The following ZBTB20 variants were observed in gnomAD, a reference collection of about 807,000 sequenced individuals.
ZBTB20 encodes the protein zinc finger and BTB domain containing 20, also known as zinc finger and BTB domain-containing protein 20.
Under a neutral mutation model 56.9 loss-of-function variants are expected in ZBTB20, and 9 were observed. The observed-to-expected ratio is 0.16, with a 90% CI of 0.10 to 0.28. The LOEUF (loss-of-function observed/expected upper bound fraction) is 0.28, where lower values mean the gene tolerates loss of function less well. Among genes scored for constraint, ZBTB20 ranks in the 10% least tolerant of loss-of-function variants. The pLI, the probability that ZBTB20 is intolerant of heterozygous loss-of-function variation, is 1.00. For missense variants in ZBTB20, 655 were observed against 1,003.0 expected (o/e 0.65, Z 4.69); for synonymous variants, 417 against 420.7 (o/e 0.99, Z 0.11).
chr3:114,497,057 C>G (rs776311510), intron 7 of ZBTB20, among the ~76,000 whole-genome samples: 5 of 152,144 alleles, frequency 3.3e-5, no homozygotes, highest in Non-Finnish European at 7.4e-5. Flanking sequence ...TGACTCCACA[C>G]AATGTTTCAG....
intron 1 of ZBTB20, among the ~76,000 whole-genome samples, chr3:115,130,630 C>A (rs536499715): frequency 6.6e-6 from 1 of 151,916 alleles, no homozygotes; most frequent in African/African-American, 2.4e-5. Flanking sequence ...TCTGGTAGCA[C>A]GTGGTCCAAA....
At chr3:114,913,236 C>T (rs1386457749) in intron 3 of ZBTB20, among the ~76,000 whole-genome samples, 1 of 151,988 alleles carries the variant, frequency 6.6e-6, no homozygotes, top group East Asian at 1.9e-4. Context: ...CATATCCTCA[C>T]CACCACCCAT....
rs779998328 is a variant in ZBTB20, at chr3:114,338,970, T to G, written c.*35A>C. On this transcript the variant is annotated 3_prime_UTR_variant, in exon 12 of 12. Transcript: ENST00000675478. The stretch of plus-strand genomic sequence containing the variant: ...TGTTTGTTTGTTTTTTGTTGTTGTT[T>G]TGTTTTGTTCATAAGAAAGAGAGAA... 8.8e-6 allele frequency: 13 copies of G among 1,470,186 alleles called. No individual in the cohort carries two copies. Among genetic ancestry groups the G allele is most frequent in the Middle Eastern group, 1.8e-4 (1 of 5,450 alleles). 91.1% of individuals were successfully genotyped at this position (1,470,186 alleles called of 1,614,324 possible). A position where few individuals can be genotyped will look rare whatever the true frequency, so the allele number is the denominator to read the frequency against.
intron 10 of ZBTB20, among the ~76,000 whole-genome samples, chr3:114,359,154 C>T (rs541048916): frequency 3.3e-4 from 50 of 152,182 alleles, no homozygotes; most frequent in Non-Finnish European, 5.4e-4. Flanking sequence ...ATTTAAGCTA[C>T]CTCAAATCCC....
At chr3:114,991,385 G>A (rs181363079) in intron 2 of ZBTB20, among the ~76,000 whole-genome samples, 5 of 152,248 alleles carry the variant, frequency 3.3e-5, no homozygotes, top group Admixed American at 1.3e-4. Flanking sequence ...CTCAGGAGCA[G>A]GTTATTCAGT....
chr3:114,596,989 A>T (rs1421727860), intron 6 of ZBTB20, among the ~76,000 whole-genome samples: 1 of 152,186 alleles, frequency 6.6e-6, no homozygotes, highest in Non-Finnish European at 1.5e-5. Context: ...TTTCTGAGCA[A>T]AATACAGTTC....
At chr3:114,393,489 T>C (rs2086066934) in intron 7 of ZBTB20, among the ~76,000 whole-genome samples, 1 of 152,212 alleles carries the variant, frequency 6.6e-6, no homozygotes, top group African/African-American at 2.4e-5. Flanking sequence ...CTTACTTTCA[T>C]TTTTGGCAAA....
intron 3 of ZBTB20, among the ~76,000 whole-genome samples, chr3:114,928,096 C>T (rs1200281377): frequency 6.6e-6 from 1 of 152,186 alleles, no homozygotes; most frequent in Admixed American, 6.5e-5. Flanking sequence ...AAATGTGAGG[C>T]TAGAACATAT....
At position 114,730,870 on chromosome 3, in the gene ZBTB20, C is replaced by T. The variant is rs7652205; in HGVS notation, c.-342-37295G>A. Reference sequence around the variant, plus strand: ...CCTGTAAGGAAGGAATTACTTAAAGCCAATTTATAGGTATAGAAACAGACT... The same window carrying T: ...CCTGTAAGGAAGGAATTACTTAAAGTCAATTTATAGGTATAGAAACAGACT... On this transcript the variant is annotated intron_variant, in intron 5 of 11. Coordinates refer to ENST00000675478, the MANE Select transcript of ZBTB20 (RefSeq NM_001348800.3). Among the ~76,000 whole-genome samples the T allele has an allele frequency of 7.4e-3, 1,133 of 152,198 alleles. 15 individuals carry two copies. Among genetic ancestry groups the T allele is most frequent in the African/African-American group, 0.026 (1,070 of 41,488 alleles).
chr3:114,536,110 C>G (rs542588928), intron 6 of ZBTB20, among the ~76,000 whole-genome samples: 2 of 152,294 alleles, frequency 1.3e-5, no homozygotes, highest in Admixed American at 1.3e-4. Flanking sequence ...CCTTCTCTCA[C>G]CACTCCTATT....
At chr3:114,784,033 T>C (rs1046091382) in intron 5 of ZBTB20, among the ~76,000 whole-genome samples, 2 of 152,196 alleles carry the variant, frequency 1.3e-5, no homozygotes, top group African/African-American at 4.8e-5. Flanking sequence ...GGTTCTTAAA[T>C]GCAAGGTATA....
intron 8 of ZBTB20, among the ~76,000 whole-genome samples, chr3:114,384,459 T>C (rs1377772169): frequency 6.6e-6 from 1 of 150,912 alleles, no homozygotes; most frequent in Non-Finnish European, 1.5e-5. Flanking sequence ...GAGCTCTGCA[T>C]TCAAAAAAAG....
intron 5 of ZBTB20, among the ~76,000 whole-genome samples, chr3:114,789,153 T>C (rs969183593): frequency 6.6e-6 from 1 of 152,166 alleles, no homozygotes; most frequent in African/African-American, 2.4e-5. Context: ...TAAAGAGCAA[T>C]TGTATATTTA....
At chr3:114,762,256 T>C (rs1477400594) in intron 5 of ZBTB20, among the ~76,000 whole-genome samples, 1 of 152,184 alleles carries the variant, frequency 6.6e-6, no homozygotes, top group East Asian at 1.9e-4. Context: ...GCTTATTTGG[T>C]ACTCACTGGG....
chr3:114,583,839 G>A (rs2054902899), intron 6 of ZBTB20, among the ~76,000 whole-genome samples: 1 of 152,170 alleles, frequency 6.6e-6, no homozygotes, highest in South Asian at 2.1e-4. Flanking sequence ...AAATGAGACT[G>A]TCTTTGTTTA....
At chr3:114,718,447 C>G (rs2064666410) in intron 5 of ZBTB20, among the ~76,000 whole-genome samples, 1 of 152,070 alleles carries the variant, frequency 6.6e-6, no homozygotes, top group African/African-American at 2.4e-5. Context: ...AGAGAAAAAA[C>G]AGTCATTCCT....
chr3:114,321,078 A>G lies in ZBTB20; in HGVS notation c.*17927T>C, dbSNP rs2078876857. 6.6e-6 allele frequency: 1 copy of G among 152,226 alleles called. No individual in the cohort carries two copies. Among genetic ancestry groups the G allele is most frequent in the Admixed American group, 6.5e-5 (1 of 15,284 alleles). 9.4% of individuals were successfully genotyped at this position (152,226 alleles called of 1,614,324 possible). ...TGGACAGTAAGACCAGGTGGACAGCATTTGAGAAACTGGCTGGACACAGGG... is the reference window on the plus strand; with the variant it reads ...TGGACAGTAAGACCAGGTGGACAGCGTTTGAGAAACTGGCTGGACACAGGG... On this transcript the variant is annotated 3_prime_UTR_variant, in exon 12 of 12. Coordinates refer to ENST00000675478, the MANE Select transcript of ZBTB20 (RefSeq NM_001348800.3).
intron 5 of ZBTB20, among the ~76,000 whole-genome samples, chr3:114,713,730 A>G (rs985327420): frequency 6.6e-6 from 1 of 152,178 alleles, no homozygotes; most frequent in Non-Finnish European, 1.5e-5. Context: ...CAGTAACTAG[A>G]CCTACTTTTG....
rs1365776109 is a variant in ZBTB20 at position 114,957,876 on chromosome 3, G to A, written c.-456+16490C>T. ...AGCTTTGATAGCTCTTATCTGGGACGTGTACACTGTTCCAGCTACTTATTC... is the reference window on the plus strand; with the variant it reads ...AGCTTTGATAGCTCTTATCTGGGACATGTACACTGTTCCAGCTACTTATTC... On this transcript the variant is annotated intron_variant, in intron 3 of 11. Transcript: ENST00000675478. 2.6e-5 allele frequency among the ~76,000 whole-genome samples: 4 copies of A among 152,154 alleles called. No individual in the cohort carries two copies. In the East Asian group the frequency reaches 5.8e-4, roughly 22 times the overall value.
Sources: gnomAD v4.1 joint callset for allele counts (sites outside exome capture counted in the v4.1 genomes callset) on GRCh38, gnomAD v4.1.1 for gene constraint, MANE v1.5 for transcripts, NCBI Gene and HGNC (gene_info 2026-07-23, HGNC 2026-07-21) for gene names.